The following ZNF600 variants were observed in gnomAD, a reference collection of about 807,000 sequenced individuals.
The protein encoded by ZNF600 is zinc finger protein 600.
ZNF600 carries 4 observed loss-of-function variants against 7.3 expected under a neutral mutation model. The ratio of observed to expected loss-of-function variants is 0.55; its 90% CI spans 0.27 to 1.25. The LOEUF is 1.25. Ranked by LOEUF, ZNF600 falls within the 50% of genes most tolerant of loss-of-function variation. The probability of loss-of-function intolerance (pLI) is 0.12; values close to 1 mark genes in which losing one functional copy is unlikely to be tolerated. For missense variants in ZNF600, 911 were observed against 922.1 expected, an observed-to-expected ratio of 0.99 and a Z score of 0.16; for synonymous variants, 290 against 308.9, an observed-to-expected ratio of 0.94 and a Z score of 0.64.
intron 1 of ZNF600, among the ~76,000 whole-genome samples, chr19:52,779,429 C>T (rs2062702909): frequency 6.6e-6 from 1 of 152,202 alleles, no homozygotes; most frequent in African/African-American, 2.4e-5. Context: ...GGGTTGAGCT[C>T]CACTCAGAGG....
intron 1 of ZNF600, among the ~76,000 whole-genome samples, chr19:52,785,692 C>T (rs1729632486): frequency 6.6e-6 from 1 of 152,166 alleles, no homozygotes; most frequent in African/African-American, 2.4e-5. Context: ...TCTGTCCCCA[C>T]TCTCCAGCAC....
chr19:52,790,669 C>A (rs1394464336), upstream of ZNF600, among the ~76,000 whole-genome samples: 4 of 147,546 alleles, frequency 2.7e-5, no homozygotes, highest in African/African-American at 5.0e-5. Flanking sequence ...GCAACATTAT[C>A]TCTCTCTCTC....
intron 1 of ZNF600, among the ~76,000 whole-genome samples, chr19:52,783,179 T>G (rs1000551525): frequency 2.0e-5 from 3 of 151,924 alleles, no homozygotes; most frequent in African/African-American, 4.8e-5. Context: ...GCACCACACT[T>G]AGACACAGGA....
the ZNF600 span, chr19:52,800,690 A>C: frequency 6.2e-7 from 1 of 1,613,928 alleles, no homozygotes; most frequent in Non-Finnish European, 8.5e-7. Context: ...CACATTCTTC[A>C]CATTCATAAG....
chr19:52,811,062 G>GTT, the ZNF600 span, among the ~76,000 whole-genome samples: 11 of 142,226 alleles, frequency 7.7e-5, no homozygotes, highest in African/African-American at 2.6e-4. Context: ...ACTGGTTTTC[G>GTT]TTTTTTTTTT....
At chr19:52,829,223 A>ATTTTATT in the ZNF600 span, among the ~76,000 whole-genome samples, 7 of 147,240 alleles carry the variant, frequency 4.8e-5, no homozygotes, top group Non-Finnish European at 9.0e-5. Flanking sequence ...ATTTTATTTT[A>ATTTTATT]TTTTATTTTA....
the ZNF600 span, among the ~76,000 whole-genome samples, chr19:52,794,155 GAGA>G: frequency 4.6e-5 from 7 of 152,052 alleles, no homozygotes; most frequent in Non-Finnish European, 8.8e-5. Flanking sequence ...TTAAAGCCCT[GAGA>G]TGAGATAAGG....
chr19:52,769,057 G>C lies in ZNF600; in HGVS notation c.191-1285C>G, dbSNP rs564654624. Among the ~76,000 whole-genome samples, 4 of 152,310 alleles carry C rather than the reference G, an allele frequency of 2.6e-5. No individual in the cohort carries two copies. In the South Asian group the frequency reaches 8.3e-4, roughly 32 times the overall value. Reference sequence around the variant, plus strand: ...GGGCCACCAGAGGACTCCTTGGTCTGGCAGTGATGCCAGCGTCTGGGAAGA... The same window carrying C: ...GGGCCACCAGAGGACTCCTTGGTCTCGCAGTGATGCCAGCGTCTGGGAAGA... On this transcript the variant is annotated intron_variant, in intron 3 of 3. Coordinates refer to ENST00000648973, the Ensembl canonical transcript of ZNF600.
the ZNF600 span, chr19:52,807,736 A>G: frequency 1.9e-6 from 1 of 516,204 alleles, no homozygotes; most frequent in Non-Finnish European, 3.3e-6. Flanking sequence ...TGGCCTCCCA[A>G]GGTGCTGGGA....
the ZNF600 span, chr19:52,808,002 C>T: frequency 1.9e-6 from 3 of 1,612,976 alleles, no homozygotes; most frequent in Non-Finnish European, 2.5e-6. Context: ...GGAGGTTATC[C>T]TCACCCAGGG....
chr19:52,791,168 A>G (rs545040235), upstream of ZNF600, among the ~76,000 whole-genome samples: 6 of 152,346 alleles, frequency 3.9e-5, no homozygotes, highest in South Asian at 1.0e-3. Context: ...GATCTCATCC[A>G]CAAAGAGCTG....
chr19:52,796,268 G>A, the ZNF600 span, among the ~76,000 whole-genome samples: 5 of 152,260 alleles, frequency 3.3e-5, no homozygotes, highest in South Asian at 2.1e-4. Context: ...AGGTCCTGAC[G>A]ATGTGTGCCC....
At chr19:52,792,616 G>C in the ZNF600 span, among the ~76,000 whole-genome samples, 1 of 152,120 alleles carries the variant, frequency 6.6e-6, no homozygotes, top group African/African-American at 2.4e-5. Flanking sequence ...CTATGACCTG[G>C]AAGCACCCTC....
At chr19:52,768,355 A>T (rs974341864) in intron 3 of ZNF600, among the ~76,000 whole-genome samples, 2 of 148,870 alleles carry the variant, frequency 1.3e-5, no homozygotes, top group African/African-American at 5.0e-5. Context: ...CATAAGAATC[A>T]CCTGAACCTG....
the ZNF600 span, among the ~76,000 whole-genome samples, chr19:52,793,993 C>T: frequency 1.1e-4 from 17 of 152,230 alleles, no homozygotes; most frequent in African/African-American, 2.9e-4. Flanking sequence ...TGTAGGACTG[C>T]AAGGGAATGT....
the ZNF600 span, among the ~76,000 whole-genome samples, chr19:52,809,305 T>C: frequency 3.9e-5 from 6 of 152,264 alleles, no homozygotes; most frequent in East Asian, 1.2e-3. Context: ...AGGGAAAAGT[T>C]GCAAAGGACA....
the ZNF600 span, among the ~76,000 whole-genome samples, chr19:52,831,494 T>C: frequency 7.0e-6 from 1 of 143,586 alleles, no homozygotes; most frequent in Non-Finnish European, 1.5e-5. Context: ...TATTTATTTT[T>C]GTTTTTTTGT....
At chr19:52,770,363 AC>A (rs1259131850) in intron 3 of ZNF600, among the ~76,000 whole-genome samples, 5 of 152,168 alleles carry the variant, frequency 3.3e-5, no homozygotes, top group African/African-American at 4.8e-5. Flanking sequence ...AATCATTTGA[AC>A]CCAGGAGGCA....
chr19:52,786,968 G>T (rs1364002095), upstream of ZNF600, among the ~76,000 whole-genome samples: 1 of 152,260 alleles, frequency 6.6e-6, no homozygotes, highest in Non-Finnish European at 1.5e-5. Context: ...CGGCCAGGAA[G>T]GCTGAGGCAT....
Sources: allele counts gnomAD v4.1 joint callset (sites outside exome capture counted in the v4.1 genomes callset), GRCh38; gene constraint gnomAD v4.1.1; transcripts MANE v1.5; gene names NCBI Gene and HGNC (gene_info 2026-07-23, HGNC 2026-07-21).